DNAH11: variants seen among roughly 807,000 people sequenced by gnomAD.
DNAH11 encodes the protein dynein axonemal heavy chain 11.
In DNAH11, 442 loss-of-function variants were observed where a neutral mutation model predicts 526.0. The observed-to-expected ratio is 0.84, with a 90% CI of 0.78 to 0.91. DNAH11 has a LOEUF of 0.91. Ranked by LOEUF, DNAH11 falls within the 40% of genes least tolerant of loss-of-function variation. The pLI is 0.00. For missense variants in DNAH11, 6,989 were observed against 5,448.7 expected, an observed-to-expected ratio of 1.28 and a Z score of -8.90; for synonymous variants, 2,461 against 1,935.9, an observed-to-expected ratio of 1.27 and a Z score of -7.12.
chr7:21,727,781 C>G (rs1419341272), intron 45 of DNAH11, among the ~76,000 whole-genome samples: 1 of 152,156 alleles, frequency 6.6e-6, no homozygotes, highest in Non-Finnish European at 1.5e-5. Context: ...GCTGCCATAA[C>G]AAAAGACCAA....
In DNAH11 at chr7:21,854,442, A is replaced by C; in HGVS notation, c.11189A>C (p.Gln3730Pro). ...NDLQKINPLY[Q>P]FSLKAFNVLF... ...CTCCAAAAAATCAACCCCCTCTACC[A>C]ATTCTCTTTGAAGGTAATGCTGAAT... The change falls in exon 68 of 82, where the codon CAA becomes CCA. Residue 3730 changes from glutamine to proline, a missense_variant. Gln to Pro is a moderately conservative substitution (Grantham distance 76). Coordinates refer to ENST00000409508, the MANE Select transcript of DNAH11 (RefSeq NM_001277115.2). 6.2e-7 allele frequency: 1 copy of C among 1,613,652 alleles called. No individual in the cohort carries two copies. Among genetic ancestry groups the C allele is most frequent in the Middle Eastern group, 1.6e-4 (1 of 6,062 alleles).
chr7:21,749,218 T>C (rs1786293490), intron 52 of DNAH11, among the ~76,000 whole-genome samples: 1 of 152,238 alleles, frequency 6.6e-6, no homozygotes, highest in African/African-American at 2.4e-5. Context: ...TTAATAACAA[T>C]AGTACTTACA....
intron 8 of DNAH11, among the ~76,000 whole-genome samples, chr7:21,574,134 G>C (rs1783996689): frequency 6.6e-6 from 1 of 152,188 alleles, no homozygotes; most frequent in Non-Finnish European, 1.5e-5. Flanking sequence ...TTGAAATCTA[G>C]ACAGTTATGG....
rs7779704 is a variant in DNAH11, at chr7:21,798,393, G to A, written c.10027-2744G>A. ...TTACAGGCATGAGCCACTGTGCCTG[G>A]CAGAACCAAGACATTTTTAAACTCG... On this transcript the variant is annotated intron_variant, in intron 61 of 81. Transcript: ENST00000409508. 9.4e-3 allele frequency among the ~76,000 whole-genome samples: 1,433 copies of A among 152,316 alleles called. 16 individuals carry two copies. Among genetic ancestry groups the A allele is most frequent in the African/African-American group, 0.032 (1,351 of 41,570 alleles).
chr7:21,763,453 C>T (rs1310785322), intron 54 of DNAH11, among the ~76,000 whole-genome samples: 1 of 151,212 alleles, frequency 6.6e-6, no homozygotes, highest in East Asian at 1.9e-4. Flanking sequence ...AATGAAGCAT[C>T]ACCTCACATA....
intron 64 of DNAH11, 61 bp from the exon 65 acceptor site, chr7:21,818,156 A>G: frequency 7.1e-6 from 11 of 1,539,974 alleles, no homozygotes; most frequent in Non-Finnish European, 9.7e-6. Flanking sequence ...ATCATTTAAA[A>G]AATTTTGAAC....
intron 46 of DNAH11, 28 bp from the exon 47 acceptor site, chr7:21,738,673 G>A (rs374076094): frequency 1.7e-4 from 254 of 1,532,890 alleles, no homozygotes; most frequent in Non-Finnish European, 2.0e-4. Context: ...TCTGTTGATG[G>A]GTGGACAGAA....
intron 63 of DNAH11, among the ~76,000 whole-genome samples, chr7:21,810,935 A>G (rs10270054): frequency 0.41 from 62,932 of 152,040 alleles, 13,942 homozygotes; most frequent in East Asian, 0.82. Flanking sequence ...TTCTCAGTAT[A>G]TACCCCAAAG....
chr7:21,864,913 G>A (rs1383842088), intron 70 of DNAH11, among the ~76,000 whole-genome samples: 1 of 152,138 alleles, frequency 6.6e-6, no homozygotes, highest in Non-Finnish European at 1.5e-5. Flanking sequence ...CAGGACCTTT[G>A]ATAAAAGCCA....
intron 20 of DNAH11, among the ~76,000 whole-genome samples, chr7:21,610,117 G>A (rs1431887974): frequency 3.9e-5 from 6 of 152,188 alleles, no homozygotes; most frequent in Non-Finnish European, 7.3e-5. Flanking sequence ...AGCCGGGCGT[G>A]GTGGCAGGCG....
intron 8 of DNAH11, among the ~76,000 whole-genome samples, chr7:21,575,441 C>T (rs867274101): frequency 6.6e-6 from 1 of 152,176 alleles, no homozygotes; most frequent in African/African-American, 2.4e-5. Context: ...TATTCTAATT[C>T]CTAGAACGAG....
rs138358927 is a variant in DNAH11 at position 21,595,659 on chromosome 7, A to C, written c.2667+4082A>C. ...TTCAGTTTTGGGCATTTTGAATTTGAGGTGTTAATTAGCCAAGAGGAGTTG... is the reference window on the plus strand; with the variant it reads ...TTCAGTTTTGGGCATTTTGAATTTGCGGTGTTAATTAGCCAAGAGGAGTTG... On this transcript the variant is annotated intron_variant, in intron 14 of 81. Transcript: ENST00000409508. Among the ~76,000 whole-genome samples the C allele has an allele frequency of 6.6e-4, 100 of 152,266 alleles. 3 individuals are homozygous for C. The highest frequency in any genetic ancestry group is 4.3e-3 in the Admixed American group (65 of 15,290).
intron 65 of DNAH11, among the ~76,000 whole-genome samples, chr7:21,823,235 T>A (rs1419461691): frequency 1.3e-5 from 2 of 152,150 alleles, no homozygotes; most frequent in African/African-American, 4.8e-5. Context: ...TATCTTTTGA[T>A]AGGGTTTTTA....
chr7:21,559,407 G>GT (rs1783354059), intron 3 of DNAH11, among the ~76,000 whole-genome samples, 196 bp from the exon 4 acceptor site: 2 of 152,092 alleles, frequency 1.3e-5, no homozygotes, highest in Non-Finnish European at 2.9e-5. Context: ...CTTTAACAGT[G>GT]TTTTTTGAGG....
rs760953364 is a variant in DNAH11, at chr7:21,702,746, G to A, written c.6217G>A (p.Val2073Ile). ...YDWGLRAIKSVLVVAGSLKRG... is the reference protein window; with the variant it reads ...YDWGLRAIKSILVVAGSLKRG... ...CTGGGGACTTCGTGCTATTAAGTCT[G>A]TCTTGGTTGTGGCTGGATCTCTGAA... The change falls in exon 37 of 82, where the codon GTC becomes ATC. Residue 2073 changes from valine to isoleucine, a missense_variant. By Grantham distance (29) the Val-to-Ile change is conservative (BLOSUM62 3). Transcript: ENST00000409508. 6.2e-7 allele frequency: 1 copy of A among 1,613,702 alleles called. No homozygotes were observed. The highest frequency in any genetic ancestry group is 8.5e-7 in the Non-Finnish European group (1 of 1,179,762).
At chr7:21,742,492 G>C (rs1292774504) in intron 49 of DNAH11, among the ~76,000 whole-genome samples, 2 of 152,072 alleles carry the variant, frequency 1.3e-5, no homozygotes, top group Admixed American at 6.5e-5. Context: ...TGAACTAACT[G>C]AGTGAGAATT....
At chr7:21,703,327 A>G (rs17145051) in intron 37 of DNAH11, 4,222 of 156,994 alleles carry the variant, frequency 0.027, 137 homozygotes, top group East Asian at 0.085. Flanking sequence ...CACTTCATGA[A>G]TTTTTCCCTT....
intron 2 of DNAH11, among the ~76,000 whole-genome samples, chr7:21,549,769 C>T (rs1041727062): frequency 7.9e-5 from 12 of 152,162 alleles, no homozygotes; most frequent in African/African-American, 2.9e-4. Context: ...TTGGGTAGTC[C>T]ACCATATAGT....
At chr7:21,698,020 T>A in intron 35 of DNAH11, 55 bp from the exon 36 acceptor site, 2 of 1,544,000 alleles carry the variant, frequency 1.3e-6, no homozygotes, top group African/African-American at 2.7e-5. Flanking sequence ...ATTTCAGCAA[T>A]TTGTACTTAT....
Sources: gnomAD v4.1 joint callset for allele counts (sites outside exome capture counted in the v4.1 genomes callset) on GRCh38, gnomAD v4.1.1 for gene constraint, MANE v1.5 for transcripts, NCBI Gene and HGNC (gene_info 2026-07-23, HGNC 2026-07-21) for gene names.